VRK2: variants seen among roughly 807,000 people sequenced by gnomAD.
The protein encoded by VRK2 is serine/threonine-protein kinase VRK2.
A neutral mutation model predicts 57.6 loss-of-function variants in VRK2; 60 were observed. That is an observed-to-expected ratio of 1.04 (90% CI 0.85 to 1.29). The LOEUF (loss-of-function observed/expected upper bound fraction) is 1.29, where lower values mean the gene tolerates loss of function less well. Ranked by LOEUF, VRK2 falls within the 50% of genes most tolerant of loss-of-function variation. The probability of loss-of-function intolerance (pLI) is 0.00; values close to 1 mark genes in which losing one functional copy is unlikely to be tolerated. For synonymous variants in VRK2, 231 were observed against 199.2 expected (o/e 1.16, Z -1.35); for missense variants, 705 against 588.1 (o/e 1.20, Z -2.06).
intron 1 of VRK2, among the ~76,000 whole-genome samples, chr2:57,946,871 A>G (rs1671277740): frequency 6.6e-6 from 1 of 152,128 alleles, no homozygotes; most frequent in Non-Finnish European, 1.5e-5. Flanking sequence ...AATCAACTCC[A>G]GTTTACTATA....
intron 1 of VRK2, among the ~76,000 whole-genome samples, chr2:57,909,704 T>C (rs184932422): frequency 1.1e-4 from 17 of 152,344 alleles, no homozygotes; most frequent in African/African-American, 4.1e-4. Context: ...TTTAATTTGC[T>C]ATTTAGCAAT....
At chr2:58,085,264 A>G (rs529175788) in intron 4 of VRK2, among the ~76,000 whole-genome samples, 4 of 152,110 alleles carry the variant, frequency 2.6e-5, no homozygotes, top group South Asian at 4.1e-4. Flanking sequence ...TTTCTTTTAC[A>G]GTAAACCATT....
intron 1 of VRK2, among the ~76,000 whole-genome samples, chr2:57,909,462 A>ATGTG (rs148903758): frequency 0.035 from 4,501 of 128,574 alleles, 210 homozygotes; most frequent in African/African-American, 0.12. Context: ...GCCTGAGTGT[A>ATGTG]TGTGTGTGTG....
intron 2 of VRK2, among the ~76,000 whole-genome samples, chr2:58,033,014 TATC>T (rs1299353252): frequency 6.6e-6 from 1 of 152,130 alleles, no homozygotes; most frequent in Admixed American, 6.6e-5. Flanking sequence ...TACCATCACA[TATC>T]ATCACATTGG....
chr2:58,156,143 C>T (rs978469445), intron 12 of VRK2, among the ~76,000 whole-genome samples: 9 of 152,002 alleles, frequency 5.9e-5, no homozygotes, highest in Non-Finnish European at 1.2e-4. Context: ...ACTGGATGCC[C>T]CTCACTTTGA....
At chr2:58,121,366 T>C (rs1256114949) in intron 7 of VRK2, among the ~76,000 whole-genome samples, 2 of 152,208 alleles carry the variant, frequency 1.3e-5, no homozygotes, top group Admixed American at 6.5e-5. Flanking sequence ...GATATCTGCT[T>C]TGTAATGTGA....
At chr2:58,136,015 A>G (rs931373246) in intron 10 of VRK2, among the ~76,000 whole-genome samples, 2 of 152,182 alleles carry the variant, frequency 1.3e-5, no homozygotes, top group African/African-American at 4.8e-5. Context: ...TTCTGAAAGT[A>G]GATATGTACA....
intron 1 of VRK2, among the ~76,000 whole-genome samples, chr2:58,012,325 G>A (rs1166133091): frequency 1.3e-5 from 2 of 151,900 alleles, no homozygotes; most frequent in Non-Finnish European, 2.9e-5. Flanking sequence ...CTATGGACTC[G>A]CCCTGAATTC....
intron 2 of VRK2, among the ~76,000 whole-genome samples, chr2:58,028,903 A>T (rs7558626): frequency 0.019 from 1,044 of 53,638 alleles, 11 homozygotes; most frequent in South Asian, 0.032. Flanking sequence ...TAAATAAATA[A>T]ATATATATAT....
intron 1 of VRK2, among the ~76,000 whole-genome samples, chr2:58,011,371 C>A (rs1169959871): frequency 6.6e-6 from 1 of 152,208 alleles, no homozygotes; most frequent in African/African-American, 2.4e-5. Context: ...TCCACCACTT[C>A]TTTTCAGTTC....
At chr2:58,065,680 T>G (rs1668505534) in intron 2 of VRK2, among the ~76,000 whole-genome samples, 1 of 152,184 alleles carries the variant, frequency 6.6e-6, no homozygotes, top group African/African-American at 2.4e-5. Flanking sequence ...GCTAAATCTA[T>G]TGATAAATTT....
chr2:57,921,297 C>T (rs1670338381), intron 1 of VRK2, among the ~76,000 whole-genome samples: 1 of 151,502 alleles, frequency 6.6e-6, no homozygotes, highest in Non-Finnish European at 1.5e-5. Flanking sequence ...CACACACACA[C>T]ACACACACAC....
intron 1 of VRK2, among the ~76,000 whole-genome samples, chr2:57,983,794 G>A (rs1572935962): frequency 6.6e-6 from 1 of 152,246 alleles, no homozygotes; most frequent in East Asian, 1.9e-4. Context: ...TAAACACAGT[G>A]ATACTTAGTA....
intron 1 of VRK2, among the ~76,000 whole-genome samples, chr2:57,954,844 C>T (rs906853006): frequency 9.2e-5 from 14 of 152,000 alleles, no homozygotes; most frequent in African/African-American, 2.9e-4. Flanking sequence ...AGAGTGCCAC[C>T]AATTTTTACA....
intron 2 of VRK2, among the ~76,000 whole-genome samples, chr2:58,031,147 G>C (rs535902787): frequency 6.6e-6 from 1 of 151,964 alleles, no homozygotes; most frequent in South Asian, 2.1e-4. Flanking sequence ...AGTTTGCAGT[G>C]GTATGTCACA....
chr2:57,943,435 G>T (rs72947165), intron 1 of VRK2, among the ~76,000 whole-genome samples: 6,063 of 152,280 alleles, frequency 0.04, 126 homozygotes, highest in Non-Finnish European at 0.057. Context: ...TCAGGGAATG[G>T]AATGTCTTGC....
At chr2:58,110,730 G>A (rs987151021) in intron 7 of VRK2, among the ~76,000 whole-genome samples, 2 of 152,090 alleles carry the variant, frequency 1.3e-5, no homozygotes, top group East Asian at 1.9e-4. Context: ...CTTCCAGAGC[G>A]GGATGTTGAT....
intron 1 of VRK2, among the ~76,000 whole-genome samples, chr2:57,909,487 A>G (rs543545903): frequency 6.6e-6 from 1 of 151,562 alleles, no homozygotes; most frequent in Non-Finnish European, 1.5e-5. Flanking sequence ...TTTTTTTTTT[A>G]GTTCTCAAAA....
intron 10 of VRK2, among the ~76,000 whole-genome samples, chr2:58,135,834 A>G (rs1679928757): frequency 6.6e-6 from 1 of 152,184 alleles, no homozygotes; most frequent in Non-Finnish European, 1.5e-5. Flanking sequence ...CTGTCATTTT[A>G]TGTGCATACA....
Sources: gnomAD v4.1 joint callset for allele counts (sites outside exome capture counted in the v4.1 genomes callset) on GRCh38, gnomAD v4.1.1 for gene constraint, MANE v1.5 for transcripts, NCBI Gene and HGNC (gene_info 2026-07-23, HGNC 2026-07-21) for gene names.